CECR2: variants seen among roughly 807,000 people sequenced by gnomAD.
CECR2 encodes the protein chromatin remodeling regulator CECR2.
CECR2 carries 30 observed loss-of-function variants against 154.5 expected under a neutral mutation model. That is an observed-to-expected ratio of 0.19 (90% CI 0.15 to 0.26). The LOEUF (loss-of-function observed/expected upper bound fraction) is 0.26. Ranked by LOEUF, CECR2 falls within the 10% of genes least tolerant of loss-of-function variation. The probability of loss-of-function intolerance (pLI) is 1.00; values close to 1 mark genes in which losing one functional copy is unlikely to be tolerated. For missense variants in CECR2, 1,743 were observed against 1,829.3 expected (o/e 0.95, Z 0.86); for synonymous variants, 725 against 683.7 (o/e 1.06, Z -0.94).
intron 12 of CECR2, 34 bp downstream of exon 12, chr22:17,538,765 G>C: frequency 6.5e-7 from 1 of 1,538,738 alleles, no homozygotes; most frequent in Non-Finnish European, 9.0e-7. Flanking sequence ...GCCTACTATA[G>C]TGTGTATATC....
In CECR2 at chr22:17,537,052, T is replaced by C. The variant is rs532224659; in HGVS notation, c.1109-51T>C. The C allele has an allele frequency of 1.4e-5, 23 of 1,601,664 alleles. No individual in the cohort carries two copies. The East Asian group carries it at 4.9e-4, about 34-fold the overall frequency. On this transcript the variant is annotated intron_variant, in intron 9 of 18. Coordinates refer to ENST00000262608, the MANE Select transcript of CECR2 (RefSeq NM_001290047.2). Reference sequence around the variant, plus strand: ...CTCACAGTGATGAAGGAACACGCCATGTCAGTGTCTGGAGTGTGCTTAGCT... The same window carrying C: ...CTCACAGTGATGAAGGAACACGCCACGTCAGTGTCTGGAGTGTGCTTAGCT...
At chr22:17,385,233 A>G (rs117937969) in intron 1 of CECR2, among the ~76,000 whole-genome samples, 3,812 of 152,208 alleles carry the variant, frequency 0.025, 67 homozygotes, top group Admixed American at 0.054. Flanking sequence ...TATTTCCTTC[A>G]ATAACTTTTC....
chr22:17,404,389 T>TTTTG (rs1164483848), intron 1 of CECR2, among the ~76,000 whole-genome samples: 1 of 91,960 alleles, frequency 1.1e-5, no homozygotes, highest in Non-Finnish European at 2.3e-5. Context: ...TTTTTTTTTT[T>TTTTG]TTGAGACGGA....
At chr22:17,534,124 A>G (rs60132206) in intron 9 of CECR2, among the ~76,000 whole-genome samples, 3,152 of 152,264 alleles carry the variant, frequency 0.021, 109 homozygotes, top group African/African-American at 0.073. Flanking sequence ...GCATAGAGAT[A>G]GACAATGAGA....
In CECR2 at chr22:17,554,925, A is replaced by G. The variant is rs936988251; in HGVS notation, c.*2085A>G. 2 of 152,228 alleles carry G rather than the reference A, an allele frequency of 1.3e-5. No homozygotes were observed. The highest frequency in any genetic ancestry group is 2.9e-5 in the Non-Finnish European group (2 of 68,060). The allele number at this position is 152,228 out of a possible 1,614,324, so 9.4% of individuals were successfully genotyped here. Reference sequence around the variant, plus strand: ...AAAAAGCTAGTTTGGAGCTGGTTAGACCTGGTCTAGGCCCAGAGAATTTGG... The same window carrying G: ...AAAAAGCTAGTTTGGAGCTGGTTAGGCCTGGTCTAGGCCCAGAGAATTTGG... On this transcript the variant is annotated 3_prime_UTR_variant, in exon 19 of 19. Coordinates refer to ENST00000262608, the MANE Select transcript of CECR2 (RefSeq NM_001290047.2).
At chr22:17,415,945 C>T (rs1054736147) in intron 1 of CECR2, among the ~76,000 whole-genome samples, 1 of 152,194 alleles carries the variant, frequency 6.6e-6, no homozygotes, top group Admixed American at 6.5e-5. Flanking sequence ...TTTGAGGGCT[C>T]ATCACCAAAT....
chr22:17,532,700 C>A (rs201551621), intron 9 of CECR2, among the ~76,000 whole-genome samples: 4 of 35,790 alleles, frequency 1.1e-4, no homozygotes, highest in Non-Finnish European at 1.4e-4. Context: ...CATTATTATT[C>A]TTTTTTTTTT....
At chr22:17,426,312 A>G (rs2054329108) in intron 1 of CECR2, among the ~76,000 whole-genome samples, 1 of 152,072 alleles carries the variant, frequency 6.6e-6, no homozygotes, top group South Asian at 2.1e-4. Context: ...GTTTAAAGTC[A>G]CATTCAAATA....
At chr22:17,425,748 C>G (rs2054320120) in intron 1 of CECR2, among the ~76,000 whole-genome samples, 1 of 152,002 alleles carries the variant, frequency 6.6e-6, no homozygotes, top group Non-Finnish European at 1.5e-5. Flanking sequence ...AGGGTCTAAT[C>G]TAGAGATAAA....
intron 1 of CECR2, among the ~76,000 whole-genome samples, chr22:17,410,596 C>T (rs191709958): frequency 3.2e-4 from 48 of 152,148 alleles, no homozygotes; most frequent in South Asian, 1.0e-3. Flanking sequence ...TACAGGCGCA[C>T]GCCACCACAC....
At chr22:17,438,250 G>A (rs967113248) in intron 1 of CECR2, among the ~76,000 whole-genome samples, 1 of 152,182 alleles carries the variant, frequency 6.6e-6, no homozygotes, top group African/African-American at 2.4e-5. Flanking sequence ...CCTGAACAGG[G>A]CTTATCTTGT....
chr22:17,539,223 A>T, intron 13 of CECR2, 104 bp downstream of exon 13: 1 of 1,300,134 alleles, frequency 7.7e-7, no homozygotes, highest in Non-Finnish European at 1.1e-6. Flanking sequence ...TAGGACAGTG[A>T]ACAGAATGTG....
chr22:17,396,346 A>C (rs970963899), intron 1 of CECR2, among the ~76,000 whole-genome samples: 15 of 152,096 alleles, frequency 9.9e-5, no homozygotes, highest in Admixed American at 3.3e-4. Flanking sequence ...GGAGTTTGAG[A>C]CCAGCCTGGC....
intron 1 of CECR2, among the ~76,000 whole-genome samples, chr22:17,453,968 A>G (rs1198871276): frequency 6.6e-6 from 1 of 152,210 alleles, no homozygotes; most frequent in African/African-American, 2.4e-5. Context: ...AGTTTGTGTT[A>G]AGAATGGTTA....
chr22:17,465,122 G>A (rs570949912), intron 1 of CECR2, among the ~76,000 whole-genome samples: 3 of 145,550 alleles, frequency 2.1e-5, no homozygotes, highest in South Asian at 2.2e-4. Flanking sequence ...TCAGCCTCCC[G>A]AGCAGCTGGG....
intron 8 of CECR2, among the ~76,000 whole-genome samples, chr22:17,523,230 A>G (rs1451527424): frequency 6.6e-6 from 1 of 152,020 alleles, no homozygotes; most frequent in African/African-American, 2.4e-5. Context: ...TAAAAATACA[A>G]AAATTAGCTG....
chr22:17,477,754 G>C, intron 2 of CECR2, 72 bp downstream of exon 2: 1 of 1,098,298 alleles, frequency 9.1e-7, no homozygotes, highest in Non-Finnish European at 1.4e-6. Context: ...GATGTTTCCT[G>C]TCTCCTGTGA....
chr22:17,473,477 C>G (rs1268110957), intron 1 of CECR2, among the ~76,000 whole-genome samples: 1 of 152,150 alleles, frequency 6.6e-6, no homozygotes, highest in Non-Finnish European at 1.5e-5. Context: ...CCAAATAGTT[C>G]TTGCAGATAG....
At chr22:17,509,772 A>G (rs9604752) in intron 7 of CECR2, among the ~76,000 whole-genome samples, 29,013 of 152,118 alleles carry the variant, frequency 0.19, 2,971 homozygotes, top group East Asian at 0.29. Context: ...ATGGTAGTGG[A>G]TAATTGATGA....
Sources: allele counts gnomAD v4.1 joint callset (sites outside exome capture counted in the v4.1 genomes callset), GRCh38; gene constraint gnomAD v4.1.1; transcripts MANE v1.5; gene names NCBI Gene and HGNC (gene_info 2026-07-23, HGNC 2026-07-21).